The following KIAA1549L variants were observed in gnomAD, a reference collection of about 807,000 sequenced individuals.
KIAA1549L encodes UPF0606 protein KIAA1549L.
In KIAA1549L, 88 loss-of-function variants were observed where a neutral mutation model predicts 160.7. The observed-to-expected ratio is 0.55, with a 90% CI of 0.46 to 0.65. The LOEUF (loss-of-function observed/expected upper bound fraction) is 0.65. Ranked by LOEUF, KIAA1549L falls within the 30% of genes least tolerant of loss-of-function variation. The pLI, the probability that KIAA1549L is intolerant of heterozygous loss-of-function variation, is 0.00. For synonymous variants in KIAA1549L, 950 were observed against 976.7 expected, an observed-to-expected ratio of 0.97 and a Z score of 0.51; for missense variants, 2,258 against 2,437.5, an observed-to-expected ratio of 0.93 and a Z score of 1.55.
rs542404808 is a variant in KIAA1549L at position 33,632,486 on chromosome 11, C to T, written c.5410-13200C>T. Among the ~76,000 whole-genome samples the T allele has an allele frequency of 1.1e-4, 16 of 152,252 alleles. No homozygotes were observed. The East Asian group carries it at 3.1e-3, about 29-fold the overall frequency. ...GCTGGGGCAGCTTAGTCCCAGCTAG[C>T]CCCCCTGGCTGAAACACAGGGAGAG... On this transcript the variant is annotated intron_variant, in intron 16 of 20. Coordinates refer to ENST00000658780, the MANE Select transcript of KIAA1549L (RefSeq NM_012194.3).
At chr11:33,524,052 C>T (rs892389439) in intron 1 of KIAA1549L, among the ~76,000 whole-genome samples, 11 of 152,086 alleles carry the variant, frequency 7.2e-5, no homozygotes, top group Non-Finnish European at 1.6e-4. Flanking sequence ...AGTTCAATAA[C>T]ATTGGAATTA....
intron 1 of KIAA1549L, among the ~76,000 whole-genome samples, chr11:33,448,446 C>A (rs1450426325): frequency 6.6e-6 from 1 of 152,060 alleles, no homozygotes; most frequent in Non-Finnish European, 1.5e-5. Flanking sequence ...ATGGAGCTGA[C>A]ATGAGATGTG....
At chr11:33,630,461 G>C (rs574533923) in intron 16 of KIAA1549L, among the ~76,000 whole-genome samples, 6 of 152,256 alleles carry the variant, frequency 3.9e-5, no homozygotes, top group African/African-American at 1.4e-4. Context: ...CTCCGAGCCA[G>C]GTGCGGGATA....
intron 16 of KIAA1549L, among the ~76,000 whole-genome samples, chr11:33,630,744 C>T (rs966817588): frequency 1.6e-4 from 25 of 152,306 alleles, no homozygotes; most frequent in East Asian, 1.4e-3. Flanking sequence ...CCATCTTCTG[C>T]GTCGCTCACG....
chr11:33,458,968 C>T (rs996567682), intron 1 of KIAA1549L, among the ~76,000 whole-genome samples: 7 of 152,118 alleles, frequency 4.6e-5, no homozygotes, highest in Non-Finnish European at 7.4e-5. Flanking sequence ...GGATGGTAGC[C>T]GTGGCAAGAT....
chr11:33,529,569 G>A (rs1853691679), intron 1 of KIAA1549L, among the ~76,000 whole-genome samples: 1 of 152,152 alleles, frequency 6.6e-6, no homozygotes, highest in Non-Finnish European at 1.5e-5. Context: ...GACACAGAGA[G>A]GTCATGTAAC....
At chr11:33,639,762 A>G (rs1851537660) in intron 16 of KIAA1549L, among the ~76,000 whole-genome samples, 1 of 151,942 alleles carries the variant, frequency 6.6e-6, no homozygotes, top group Non-Finnish European at 1.5e-5. Context: ...CTGGTCTCGA[A>G]CTCCTGACCT....
chr11:33,594,143 A>G (rs948034770), intron 12 of KIAA1549L, among the ~76,000 whole-genome samples: 8 of 152,166 alleles, frequency 5.3e-5, no homozygotes, highest in Non-Finnish European at 1.2e-4. Flanking sequence ...TTGTACTGGA[A>G]TCAAGCAACA....
At chr11:33,612,387 C>A (rs146271903) in intron 15 of KIAA1549L, among the ~76,000 whole-genome samples, 1 of 152,152 alleles carries the variant, frequency 6.6e-6, no homozygotes, top group African/African-American at 2.4e-5. Context: ...TGCTCTAGTC[C>A]AGAGGTAGCA....
intron 17 of KIAA1549L, among the ~76,000 whole-genome samples, chr11:33,652,966 A>G (rs1851940895): frequency 6.6e-6 from 1 of 152,242 alleles, no homozygotes; most frequent in African/African-American, 2.4e-5. Context: ...GAAGCTTGTG[A>G]GATAGGCCAG....
intron 10 of KIAA1549L, among the ~76,000 whole-genome samples, chr11:33,575,404 GC>G (rs1404623041): frequency 1.3e-5 from 2 of 152,228 alleles, no homozygotes; most frequent in African/African-American, 4.8e-5. Flanking sequence ...GAAAGAGTGA[GC>G]AGAGGAAGGA....
At chr11:33,559,505 G>A (rs1405259272) in intron 6 of KIAA1549L, among the ~76,000 whole-genome samples, 1 of 152,144 alleles carries the variant, frequency 6.6e-6, no homozygotes, top group Non-Finnish European at 1.5e-5. Context: ...CGTCATCACT[G>A]GATACATCTC....
intron 1 of KIAA1549L, among the ~76,000 whole-genome samples, chr11:33,469,481 T>A (rs372558659): frequency 6.6e-6 from 1 of 152,234 alleles, no homozygotes; most frequent in Non-Finnish European, 1.5e-5. Flanking sequence ...CTGTGATGAA[T>A]GTTCATGTAC....
intron 6 of KIAA1549L, among the ~76,000 whole-genome samples, chr11:33,559,141 G>A (rs568625873): frequency 1.3e-5 from 2 of 152,070 alleles, no homozygotes; most frequent in South Asian, 4.2e-4. Context: ...CCCGGCCTCT[G>A]AATTCCTTTT....
At chr11:33,538,476 TTAA>T (rs1455457309) in intron 1 of KIAA1549L, among the ~76,000 whole-genome samples, 2 of 152,202 alleles carry the variant, frequency 1.3e-5, no homozygotes, top group Non-Finnish European at 2.9e-5. Flanking sequence ...TATCAGTTTC[TTAA>T]TGTTTTTCTT....
At chr11:33,529,085 C>G (rs1482112701) in intron 1 of KIAA1549L, among the ~76,000 whole-genome samples, 1 of 152,182 alleles carries the variant, frequency 6.6e-6, no homozygotes, top group Non-Finnish European at 1.5e-5. Flanking sequence ...CCTGTAATCT[C>G]AGCACTTTGG....
chr11:33,624,551 G>A (rs75754378), intron 16 of KIAA1549L, among the ~76,000 whole-genome samples: 5,061 of 152,018 alleles, frequency 0.033, 289 homozygotes, highest in African/African-American at 0.11. Context: ...TGTAAATTCA[G>A]TAATACGAGT....
chr11:33,608,940 A>T (rs541508113), intron 14 of KIAA1549L, among the ~76,000 whole-genome samples: 1 of 152,346 alleles, frequency 6.6e-6, no homozygotes, highest in African/African-American at 2.4e-5. Flanking sequence ...TTCTTTTGTA[A>T]ATTACACGAC....
intron 17 of KIAA1549L, among the ~76,000 whole-genome samples, chr11:33,651,575 C>G (rs1851886500): frequency 2.6e-5 from 4 of 152,064 alleles, no homozygotes; most frequent in Admixed American, 2.6e-4. Flanking sequence ...GCTGAGCATC[C>G]CAAATTCTTT....
Sources: gnomAD v4.1 joint callset for allele counts (sites outside exome capture counted in the v4.1 genomes callset) on GRCh38, gnomAD v4.1.1 for gene constraint, MANE v1.5 for transcripts, NCBI Gene and HGNC (gene_info 2026-07-23, HGNC 2026-07-21) for gene names.